Variants in MDM1 observed in about 807,000 individuals in gnomAD.
MDM1 encodes stabilizer of axonemal microtubules 6, also known as Mdm1 nuclear protein.
MDM1 carries 61 observed loss-of-function variants against 89.1 expected under a neutral mutation model. The observed-to-expected ratio is 0.68, with a 90% CI of 0.56 to 0.85. The LOEUF is 0.85. Among genes scored for constraint, MDM1 ranks in the 40% least tolerant of loss-of-function variants. The pLI is 0.00. For missense variants in MDM1, 820 were observed against 846.5 expected (o/e 0.97, Z 0.39); for synonymous variants, 290 against 294.1 (o/e 0.99, Z 0.14).
chr12:68,302,510 C>T, intron 13 of MDM1, 110 bp downstream of exon 13: 1 of 1,043,824 alleles, frequency 9.6e-7, no homozygotes, highest in Non-Finnish European at 1.3e-6. Flanking sequence ...ATACATTAAC[C>T]AAAAATACTA....
intron 13 of MDM1, among the ~76,000 whole-genome samples, 156 bp from the exon 14 acceptor site, chr12:68,297,138 TATTA>T (rs1395797934): frequency 6.6e-5 from 10 of 152,206 alleles, no homozygotes; most frequent in African/African-American, 1.9e-4. Flanking sequence ...AAAAAGATTT[TATTA>T]ATTAATTTTA....
At position 68,325,495 on chromosome 12, in the gene MDM1, C is replaced by T. The variant is rs1301944114; in HGVS notation, c.579G>A (p.Arg193=). The T allele has an allele frequency of 1.3e-6, 2 of 1,598,980 alleles. No homozygotes were observed. The highest frequency in any genetic ancestry group is 2.7e-5 in the African/African-American group (2 of 74,502). ...CTTTAGAAGTCTTCCAAACAAACTGCCTTTGATATTCAGAATTTCTCAAGG... is the reference window on the plus strand; with the variant it reads ...CTTTAGAAGTCTTCCAAACAAACTGTCTTTGATATTCAGAATTTCTCAAGG... The part of the protein sequence containing the change: ...YNALRNSEYQ[R]QFVWKTSKET... Residue 193 remains arginine, a synonymous_variant, in exon 4 of 15, where the codon AGG becomes AGA. Coordinates refer to ENST00000682720, the MANE Select transcript of MDM1 (RefSeq NM_001354969.2).
chr12:68,307,150 C>G (rs906228550), intron 12 of MDM1, among the ~76,000 whole-genome samples: 8 of 152,098 alleles, frequency 5.3e-5, no homozygotes, highest in African/African-American at 1.9e-4. Flanking sequence ...AAGAGGTACA[C>G]ACAACATAAA....
Position 68,332,210 on chromosome 12 carries a change from C to A in MDM1, c.18+18G>T. On this transcript the variant is annotated intron_variant, in intron 1 of 14. Coordinates refer to ENST00000682720, the MANE Select transcript of MDM1 (RefSeq NM_001354969.2). ...GGCTCCCCCCAGCCACATTCCGGCCCGGGGACCCCAGCCTCACCTTGAAGC... is the reference window on the plus strand; with the variant it reads ...GGCTCCCCCCAGCCACATTCCGGCCAGGGGACCCCAGCCTCACCTTGAAGC... 1 of 1,555,612 alleles carries A rather than the reference C, an allele frequency of 6.4e-7. No individual in the cohort carries two copies.
At position 68,313,572 on chromosome 12, in the gene MDM1, A is replaced by G; in HGVS notation, c.1640-20T>C. 1 of 1,609,824 alleles carries G rather than the reference A, an allele frequency of 6.2e-7. No individual in the cohort carries two copies. Among genetic ancestry groups the G allele is most frequent in the African/African-American group, 1.3e-5 (1 of 74,968 alleles). ...CACCACCTGGAAAAATAAAGATGAC[A>G]GTTTCAATTACACTAAATTAACATG... On this transcript the variant is annotated intron_variant, in intron 11 of 14. Transcript: ENST00000682720.
In MDM1 at chr12:68,294,838, G is replaced by A. The variant is rs1236389877; in HGVS notation, c.*416C>T. The stretch of plus-strand genomic sequence containing the variant: ...AATAAAAAGAAACACTACAGCAAAG[G>A]TTAAAGGAACAACAAATTCATTTTA... On this transcript the variant is annotated 3_prime_UTR_variant, in exon 15 of 15. Transcript: ENST00000682720. 6.5e-6 allele frequency: 1 copy of A among 153,486 alleles called. No homozygotes were observed. The highest frequency in any genetic ancestry group is 1.9e-4 in the East Asian group (1 of 5,212). The allele number at this position is 153,486 out of a possible 1,614,324, so 9.5% of individuals were successfully genotyped here. A position where few individuals can be genotyped will look rare whatever the true frequency, so the allele number is the denominator to read the frequency against.
At chr12:68,326,611 T>C in intron 3 of MDM1, 46 bp downstream of exon 3, 7 of 1,614,046 alleles carry the variant, frequency 4.3e-6, no homozygotes, top group Admixed American at 1.7e-5. Context: ...ATGAAACCAA[T>C]GAAGAATTCT....
Position 68,302,709 on chromosome 12 carries a change from T to C in MDM1, c.1913A>G (p.Gln638Arg), listed in dbSNP as rs903163276. 4 of 1,613,936 alleles carry C rather than the reference T, an allele frequency of 2.5e-6. No homozygotes were observed. Among genetic ancestry groups the C allele is most frequent in the Admixed American group, 3.3e-5 (2 of 59,998 alleles). The stretch of plus-strand genomic sequence containing the variant: ...TGGAACATGTGGTGGAGAAGGCAAC[T>C]GTCCAGGGGGATTTGTTGGGTATTT... The part of the protein sequence containing the change: ...IPKYPTNPPG[Q>R]LPSPPHVPSY... The change falls in exon 13 of 15, where the codon CAG (glutamine) becomes CGG (arginine). Residue 638 changes from glutamine to arginine, a missense_variant. Physicochemically the swap from Gln to Arg is conservative, Grantham distance 43. Coordinates refer to ENST00000682720, the MANE Select transcript of MDM1 (RefSeq NM_001354969.2).
chr12:68,326,148 T>G, intron 3 of MDM1: 1 of 1,027,030 alleles, frequency 9.7e-7, no homozygotes, highest in Middle Eastern at 4.8e-4. Flanking sequence ...TCTGCTTATG[T>G]GCTCACAGGG....
At position 68,316,150 on chromosome 12, in the gene MDM1, C is replaced by T; in HGVS notation, c.1139G>A (p.Cys380Tyr). The change falls in exon 9 of 15, where the codon TGT (cysteine) becomes TAT (tyrosine). Residue 380 changes from cysteine to tyrosine, a missense_variant. Coordinates refer to ENST00000682720, the MANE Select transcript of MDM1 (RefSeq NM_001354969.2). ...LNQILSDSNC[C>Y]WDVSSTTSSE... ...GCTTGTGGTTGAGGAGACATCCCAA[C>T]AGCAGTTGCTATCAGATAAAATCTG... 1 of 1,614,146 alleles carries T rather than the reference C, an allele frequency of 6.2e-7. No individual in the cohort carries two copies. Among genetic ancestry groups the T allele is most frequent in the Non-Finnish European group, 8.5e-7 (1 of 1,179,998 alleles).
In MDM1 at chr12:68,321,439, T is replaced by A. The variant is rs777723960; in HGVS notation, c.913A>T (p.Asn305Tyr). Residue 305 changes from asparagine (N) to tyrosine (Y), a missense_variant, in exon 7 of 15, where the codon AAT (asparagine) becomes TAT (tyrosine). Coordinates refer to ENST00000682720, the MANE Select transcript of MDM1 (RefSeq NM_001354969.2). Reference sequence around the variant, plus strand: ...AGAAATTTTGCTCTATATTCGGAATTCACCTTCCTAATAGAAATGAAATGA... The same window carrying A: ...AGAAATTTTGCTCTATATTCGGAATACACCTTCCTAATAGAAATGAAATGA... ...PWKHQRLGKV[N>Y]SEYRAKFLSP... 11 of 1,613,222 alleles carry A rather than the reference T, an allele frequency of 6.8e-6. No homozygotes were observed. The highest frequency in any genetic ancestry group is 8.5e-6 in the Non-Finnish European group (10 of 1,179,556).
chr12:68,319,169 T>C (rs1398961735), intron 7 of MDM1, among the ~76,000 whole-genome samples: 1 of 152,202 alleles, frequency 6.6e-6, no homozygotes, highest in Non-Finnish European at 1.5e-5. Context: ...AATTGCTGAC[T>C]ATTAAGAAAC....
At chr12:68,330,550 T>C (rs1162212738) in intron 2 of MDM1, 1 of 152,376 alleles carries the variant, frequency 6.6e-6, no homozygotes, top group Non-Finnish European at 1.5e-5. Context: ...ATTTACTTAA[T>C]CTAAATGGGT....
rs1876765685 is a variant in MDM1, at chr12:68,331,224, G to C, written c.19-3C>G. On this transcript the variant is annotated splice_region_variant and splice_polypyrimidine_tract_variant and intron_variant, in intron 1 of 14. Coordinates refer to ENST00000682720, the MANE Select transcript of MDM1 (RefSeq NM_001354969.2). ...TTCCTCTGGTATTCACTCAGCCCCT[G>C]TAATGCAAAGTACACTTTTGAGTAC... The C allele has an allele frequency of 2.1e-6, 3 of 1,443,550 alleles. No individual in the cohort carries two copies. The South Asian group carries it at 3.4e-5, about 16-fold the overall frequency. 89.4% of individuals were successfully genotyped at this position (1,443,550 alleles called of 1,614,324 possible).
rs1381287279 is a variant in MDM1 at position 68,321,519 on chromosome 12, A to G, written c.905+6T>C. The G allele has an allele frequency of 3.1e-6, 5 of 1,611,770 alleles. No homozygotes were observed. The highest frequency in any genetic ancestry group is 4.2e-6 in the Non-Finnish European group (5 of 1,178,600). ...AAATACCATATTTTCCTATTAAAAT[A>G]CATACCCAAGCCTTTGATGTTTCCA... On this transcript the variant is annotated splice_donor_region_variant and intron_variant, in intron 6 of 14. Transcript: ENST00000682720.
chr12:68,332,264 C>A lies in MDM1; in HGVS notation c.-19G>T. 3.2e-6 allele frequency: 5 copies of A among 1,581,896 alleles called. No homozygotes were observed. The highest frequency in any genetic ancestry group is 3.4e-6 in the Non-Finnish European group (4 of 1,164,932). ...CCGGCATGTCGCCCGGCGCCGGAGC[C>A]CCCGCTACTCCGACAGTTAACTGGA... On this transcript the variant is annotated 5_prime_UTR_variant, in exon 1 of 15. Coordinates refer to ENST00000682720, the MANE Select transcript of MDM1 (RefSeq NM_001354969.2).
chr12:68,299,125 T>A lies in MDM1; in HGVS notation c.2003-2143A>T, dbSNP rs188387211. Among the ~76,000 whole-genome samples the A allele has an allele frequency of 3.2e-3, 478 of 151,694 alleles. 5 individuals carry two copies. The highest frequency in any genetic ancestry group is 9.1e-3 in the East Asian group (47 of 5,176). On this transcript the variant is annotated intron_variant, in intron 13 of 14. Transcript: ENST00000682720. Reference sequence around the variant, plus strand: ...CATTCTTAAGAGGGGAAAAAAATTTTAAAAAAAACACACATAGTCAAATCA... The same window carrying A: ...CATTCTTAAGAGGGGAAAAAAATTTAAAAAAAAACACACATAGTCAAATCA...
intron 12 of MDM1, among the ~76,000 whole-genome samples, chr12:68,305,608 A>G (rs761131991): frequency 2.6e-5 from 4 of 152,180 alleles, no homozygotes; most frequent in Non-Finnish European, 2.9e-5. Flanking sequence ...CTACAAACCA[A>G]TAATTCAAGC....
At chr12:68,325,383 A>T (rs561089898) in intron 4 of MDM1, 58 bp downstream of exon 4, 1 of 1,420,598 alleles carries the variant, frequency 7.0e-7, no homozygotes, top group East Asian at 2.5e-5. Context: ...TTCTATGTAA[A>T]TCTACATTAC....
Sources: allele counts gnomAD v4.1 joint callset (sites outside exome capture counted in the v4.1 genomes callset), GRCh38; gene constraint gnomAD v4.1.1; transcripts MANE v1.5; gene names NCBI Gene and HGNC (gene_info 2026-07-23, HGNC 2026-07-21).